Variants in SLC22A16 observed in about 807,000 individuals in gnomAD.
SLC22A16 encodes the protein solute carrier family 22 member 16, also known as WUGSC:RG331P03.1.
SLC22A16 carries 53 observed loss-of-function variants against 52.9 expected under a neutral mutation model. That is an observed-to-expected ratio of 1.00 (90% CI 0.80 to 1.26). SLC22A16 has a LOEUF of 1.26. Among genes scored for constraint, SLC22A16 ranks in the 50% most tolerant of loss-of-function variants. SLC22A16 has a pLI of 0.00. For synonymous variants in SLC22A16, 291 were observed against 268.8 expected (o/e 1.08, Z -0.81); for missense variants, 726 against 704.0 (o/e 1.03, Z -0.35).
At chr6:110,427,247 CA>C (rs71018390) in intron 7 of SLC22A16, among the ~76,000 whole-genome samples, 20,036 of 60,338 alleles carry the variant, frequency 0.33, 1,448 homozygotes, top group East Asian at 0.47. Flanking sequence ...GACCCAATCT[CA>C]AAAAAAAAAA....
intron 1 of SLC22A16, among the ~76,000 whole-genome samples, chr6:110,468,585 T>C (rs1562301503): frequency 6.8e-6 from 1 of 148,060 alleles, no homozygotes; most frequent in Non-Finnish European, 1.5e-5. Flanking sequence ...GGCGGAGGTT[T>C]CAGTCAGCCA....
chr6:110,464,441 A>G (rs1435775377), intron 1 of SLC22A16, among the ~76,000 whole-genome samples: 1 of 152,080 alleles, frequency 6.6e-6, no homozygotes. Context: ...TCAGATAAGC[A>G]CAATCAGAAA....
At chr6:110,441,393 T>C (rs1486346360) in intron 4 of SLC22A16, among the ~76,000 whole-genome samples, 2 of 152,196 alleles carry the variant, frequency 1.3e-5, no homozygotes, top group Non-Finnish European at 2.9e-5. Context: ...ATCAAGATCC[T>C]GAAGGATTTC....
At position 110,453,349 on chromosome 6, in the gene SLC22A16, G is replaced by A. The variant is rs184382786; in HGVS notation, c.533+3189C>T. ...TTAATTATGTCTTTTGGTTTTCACT[G>A]AGCTACTTATTCACCTTGAAAAATA... On this transcript the variant is annotated intron_variant, in intron 2 of 7. Coordinates refer to ENST00000368919, the MANE Select transcript of SLC22A16 (RefSeq NM_033125.4). Among the ~76,000 whole-genome samples the A allele has an allele frequency of 2.8e-3, 424 of 152,232 alleles. 2 individuals carry two copies. The highest frequency in any genetic ancestry group is 9.7e-3 in the African/African-American group (404 of 41,530).
chr6:110,435,969 A>T lies in SLC22A16; in HGVS notation c.1312-8T>A. The T allele has an allele frequency of 6.3e-7, 1 of 1,593,632 alleles. No homozygotes were observed. Among genetic ancestry groups the T allele is most frequent in the Non-Finnish European group, 8.6e-7 (1 of 1,162,468 alleles). ...ACCCAAAATATAATGTTTCTGAAAA[A>T]AATTTAGCAGAATAGATCATCACAA... is the stretch of plus-strand genomic sequence containing the variant. On this transcript the variant is annotated splice_polypyrimidine_tract_variant and splice_region_variant and intron_variant, in intron 5 of 7. Transcript: ENST00000368919.
chr6:110,459,152 G>A (rs1775775736), intron 1 of SLC22A16, among the ~76,000 whole-genome samples: 1 of 152,158 alleles, frequency 6.6e-6, no homozygotes, highest in African/African-American at 2.4e-5. Context: ...ATTACTATCT[G>A]TAGACATTCC....
At chr6:110,470,855 C>T (rs1776236890) in intron 1 of SLC22A16, among the ~76,000 whole-genome samples, 1 of 152,212 alleles carries the variant, frequency 6.6e-6, no homozygotes, top group Non-Finnish European at 1.5e-5. Context: ...CGGATGAAAA[C>T]ATTGCCCCAG....
At chr6:110,473,885 G>C (rs1050965133) in intron 1 of SLC22A16, among the ~76,000 whole-genome samples, 2 of 151,934 alleles carry the variant, frequency 1.3e-5, no homozygotes, top group African/African-American at 4.8e-5. Flanking sequence ...TGACCAATGA[G>C]AAATGAGAGG....
intron 2 of SLC22A16, among the ~76,000 whole-genome samples, chr6:110,454,734 C>T (rs1227093800): frequency 7.0e-5 from 4 of 57,490 alleles, no homozygotes; most frequent in Non-Finnish European, 9.0e-5. Context: ...ATTATATGTA[C>T]ATATAATATA....
chr6:110,475,850 G>A (rs1363160842), intron 1 of SLC22A16: 7 of 450,810 alleles, frequency 1.6e-5, no homozygotes, highest in South Asian at 6.3e-5. Context: ...GAGGGTGTAC[G>A]GAGGTTAAAC....
chr6:110,458,834 G>T (rs1377071471), intron 1 of SLC22A16, among the ~76,000 whole-genome samples: 1 of 152,104 alleles, frequency 6.6e-6, no homozygotes, highest in Non-Finnish European at 1.5e-5. Context: ...CTGGTTCTTG[G>T]GTTTTTGGAA....
chr6:110,438,052 C>T lies in SLC22A16; in HGVS notation c.1311+668G>A, dbSNP rs143792715. On this transcript the variant is annotated intron_variant, in intron 5 of 7. Transcript: ENST00000368919. ...GTTTCTGATTACATGTCGCCTCCTC[C>T]GAGAGGTGCACCATCCTCGACCACC... 5.4e-3 allele frequency among the ~76,000 whole-genome samples: 826 copies of T among 152,224 alleles called. 2 individuals are homozygous for T. Among genetic ancestry groups the T allele is most frequent in the Middle Eastern group, 0.02 (6 of 294 alleles).
chr6:110,448,274 G>A (rs114480141), intron 2 of SLC22A16, among the ~76,000 whole-genome samples: 4,196 of 152,228 alleles, frequency 0.028, 201 homozygotes, highest in Admixed American at 0.13. Flanking sequence ...TTTCAAGCGC[G>A]TATTGGCTAT....
At chr6:110,434,456 G>A (rs555196296) in intron 6 of SLC22A16, among the ~76,000 whole-genome samples, 15 of 152,262 alleles carry the variant, frequency 9.9e-5, no homozygotes, top group Middle Eastern at 3.4e-3. Context: ...GAAGGCAGGA[G>A]CACTGGGGGG....
intron 6 of SLC22A16, 104 bp downstream of exon 6, chr6:110,435,748 A>T (rs771713418): frequency 2.7e-6 from 2 of 749,544 alleles, no homozygotes; most frequent in Non-Finnish European, 4.4e-6. Flanking sequence ...AGATCCAGGT[A>T]ACTTCTATAA....
chr6:110,467,867 C>T (rs1156241572), intron 1 of SLC22A16, among the ~76,000 whole-genome samples: 1 of 152,152 alleles, frequency 6.6e-6, no homozygotes, highest in Non-Finnish European at 1.5e-5. Flanking sequence ...TGGTGGCAGT[C>T]CAAGGGATCA....
chr6:110,436,647 T>C (rs890567329), intron 5 of SLC22A16, among the ~76,000 whole-genome samples: 4 of 152,134 alleles, frequency 2.6e-5, no homozygotes, highest in African/African-American at 9.7e-5. Context: ...TTTACTTTTC[T>C]TAAAAAAAAC....
intron 6 of SLC22A16, 76 bp downstream of exon 6, chr6:110,435,776 G>A (rs907482157): frequency 2.4e-5 from 27 of 1,108,106 alleles, no homozygotes; most frequent in Non-Finnish European, 3.4e-5. Flanking sequence ...GCATTTACAT[G>A]TAAAGGCCAA....
intron 2 of SLC22A16, among the ~76,000 whole-genome samples, chr6:110,453,287 G>A (rs1307557764): frequency 6.6e-6 from 1 of 152,114 alleles, no homozygotes; most frequent in East Asian, 1.9e-4. Flanking sequence ...TGCTTCTGCT[G>A]CCAGTTGTTT....
Sources: allele counts gnomAD v4.1 joint callset (sites outside exome capture counted in the v4.1 genomes callset), GRCh38; gene constraint gnomAD v4.1.1; transcripts MANE v1.5; gene names NCBI Gene and HGNC (gene_info 2026-07-23, HGNC 2026-07-21).